TMEM94: variants seen among roughly 807,000 people sequenced by gnomAD.
TMEM94 encodes the protein transmembrane protein 94.
TMEM94 carries 81 observed loss-of-function variants against 158.6 expected under a neutral mutation model. The ratio of observed to expected loss-of-function variants is 0.51; its 90% CI spans 0.43 to 0.61. The LOEUF is 0.61. Among genes scored for constraint, TMEM94 ranks in the 20% least tolerant of loss-of-function variants. The pLI, the probability that TMEM94 is intolerant of heterozygous loss-of-function variation, is 0.00. For missense variants in TMEM94, 1,435 were observed against 1,762.0 expected (o/e 0.81, Z 3.32); for synonymous variants, 751 against 730.7 (o/e 1.03, Z -0.45).
chr17:75,492,694 C>G lies in TMEM94; in HGVS notation c.1817C>G (p.Ser606Cys). 4 of 1,613,386 alleles carry G rather than the reference C, an allele frequency of 2.5e-6. No individual in the cohort carries two copies. Among genetic ancestry groups the G allele is most frequent in the Non-Finnish European group, 3.4e-6 (4 of 1,179,958 alleles). Reference sequence around the variant, plus strand: ...GTCACCGAGCGCCTGTGCCGATTCTCCGACCACCTGTGCAACATCGCCCTG... The same window carrying G: ...GTCACCGAGCGCCTGTGCCGATTCTGCGACCACCTGTGCAACATCGCCCTG... Reference protein sequence around the residue: ...ASVTERLCRFSDHLCNIALQE... With the variant: ...ASVTERLCRFCDHLCNIALQE... Residue 606 changes from serine to cysteine, a missense_variant, in exon 15 of 32, where the codon TCC becomes TGC. By Grantham distance (112) the Ser-to-Cys change is moderately radical (BLOSUM62 -1). Coordinates refer to ENST00000314256, the MANE Select transcript of TMEM94 (RefSeq NM_014738.6). This position sits in a 1 kb window ranked among gnomAD's most constrained non-coding sequence, Gnocchi z 4.4.
In TMEM94 at chr17:75,485,947, T is replaced by C; in HGVS notation, c.221T>C (p.Leu74Pro). The change falls in exon 4 of 32, where the codon CTA (leucine) becomes CCA (proline). Residue 74 changes from leucine to proline, a missense_variant. Around this residue, in one of 3 missense-constraint regions of TMEM94, gnomAD observed 1,051 missense variants for 1,254.4 expected, o/e 0.84. Transcript: ENST00000314256. The surrounding 1 kb of genome is among the most constrained non-coding windows in gnomAD (Gnocchi z 5.5). Reference protein sequence around the residue: ...CFHWPGASLMLLAVLLLLGCC... With the variant: ...CFHWPGASLMPLAVLLLLGCC... The stretch of plus-strand genomic sequence containing the variant: ...CACTGGCCGGGGGCCTCACTCATGC[T>C]ACTGGCCGTGCTGCTGCTGCTGGGC... 1.2e-6 allele frequency: 2 copies of C among 1,613,726 alleles called. No individual in the cohort carries two copies. The highest frequency in any genetic ancestry group is 2.2e-5 in the South Asian group (2 of 91,054).
rs1047863020 is a variant in TMEM94 at position 75,489,760 on chromosome 17, G to A, written c.954+98G>A. On this transcript the variant is annotated intron_variant, in intron 9 of 31. Coordinates refer to ENST00000314256, the MANE Select transcript of TMEM94 (RefSeq NM_014738.6). This position sits in a 1 kb window ranked among gnomAD's most constrained non-coding sequence, Gnocchi z 5.0. ...GCTGTCCCTCCCTCTCTGCAGCCCA[G>A]AGGTCCCCTCACGCTTCAGCTTAAG... is the stretch of plus-strand genomic sequence containing the variant. 1.9e-6 allele frequency: 2 copies of A among 1,055,138 alleles called. No homozygotes were observed. The highest frequency in any genetic ancestry group is 3.1e-5 in the African/African-American group (2 of 63,876). The allele number at this position is 1,055,138 out of a possible 1,614,324, so 65.4% of individuals were successfully genotyped here.
intron 4 of TMEM94, 66 bp from the exon 5 acceptor site, chr17:75,486,224 C>T (rs1029852922): frequency 1.3e-5 from 21 of 1,600,824 alleles, no homozygotes; most frequent in Non-Finnish European, 1.8e-5. Flanking sequence ...GGAGCTGTGG[C>T]CTGGGGGCTG....
chr17:75,481,290 C>A (rs1365663623), intron 2 of TMEM94, among the ~76,000 whole-genome samples: 7 of 152,248 alleles, frequency 4.6e-5, no homozygotes, highest in African/African-American at 1.4e-4. Context: ...AGGTCCCCGC[C>A]GGGAGGGCCA....
chr17:75,490,957 G>T, intron 11 of TMEM94, 92 bp from the exon 12 acceptor site: 1 of 1,113,282 alleles, frequency 9.0e-7, no homozygotes, highest in Non-Finnish European at 1.3e-6. Flanking sequence ...CCCCAACTTC[G>T]TGGTGCTCCC....
rs77603595 is a variant in TMEM94, at chr17:75,494,329, T to G, written c.2408-298T>G. On this transcript the variant is annotated intron_variant, in intron 18 of 31. Transcript: ENST00000314256. The stretch of plus-strand genomic sequence containing the variant: ...CCACCAGACACGCACACTTCCCAGG[T>G]TTTTTGAACCCAAGAGACTGTGAAT... 1.8e-4 allele frequency among the ~76,000 whole-genome samples: 28 copies of G among 152,092 alleles called. No homozygotes were observed. The East Asian group carries it at 4.1e-3, about 22-fold the overall frequency.
At position 75,493,839 on chromosome 17, in the gene TMEM94, G is replaced by T; in HGVS notation, c.2330G>T (p.Ser777Ile). Residue 777 changes from serine to isoleucine, a missense_variant, in exon 18 of 32, where the codon AGC (serine) becomes ATC (isoleucine). By Grantham distance (142) the Ser-to-Ile change is moderately radical. This residue lies in a region of TMEM94 where 1,051 missense variants were observed against 1,254.4 expected (regional missense o/e 0.84). Transcript: ENST00000314256. Reference sequence around the variant, plus strand: ...CTGGTACAGGTGCCCGGCCAAAGCAGCATCTTCACCATGTGCGAGCTGCCC... The same window carrying T: ...CTGGTACAGGTGCCCGGCCAAAGCATCATCTTCACCATGTGCGAGCTGCCC... ...IELVQVPGQS[S>I]IFTMCELPST... is the part of the protein sequence containing the mutation. 1 of 1,613,660 alleles carries T rather than the reference G, an allele frequency of 6.2e-7. No homozygotes were observed. Among genetic ancestry groups the T allele is most frequent in the Admixed American group, 1.7e-5 (1 of 60,030 alleles).
At chr17:75,476,255 C>T (rs2050685206) in intron 2 of TMEM94, among the ~76,000 whole-genome samples, 1 of 152,158 alleles carries the variant, frequency 6.6e-6, no homozygotes, top group South Asian at 2.1e-4. Flanking sequence ...AGTTTCTCCT[C>T]CATCTATCCC....
At chr17:75,462,016 T>TTTTTTTTTTTTTTTTTTTTTTTTC (rs2050096117) in intron 1 of TMEM94, among the ~76,000 whole-genome samples, 1 of 126,580 alleles carries the variant, frequency 7.9e-6, no homozygotes, top group Non-Finnish European at 1.8e-5. Flanking sequence ...GTTTTGTTTT[T>TTTTTTTTTTTTTTTTTTTTTTTTC]TTTTTTTTTG....
intron 6 of TMEM94, among the ~76,000 whole-genome samples, chr17:75,488,557 C>G (rs889229502): frequency 1.3e-5 from 2 of 152,212 alleles, no homozygotes; most frequent in Non-Finnish European, 2.9e-5. Context: ...GCTGGAATTA[C>G]AGGTGTGAGC....
At chr17:75,496,588 G>A in intron 24 of TMEM94, 117 bp downstream of exon 24, 2 of 1,392,364 alleles carry the variant, frequency 1.4e-6, no homozygotes, top group South Asian at 1.3e-5. Context: ...CTCCGAGCGG[G>A]CTCTCCCAGG....
rs954539091 is a variant in TMEM94, at chr17:75,487,782, GC to G, written c.410-149del. 7.1e-5 allele frequency: 46 copies of G among 646,266 alleles called. No individual in the cohort carries two copies. The highest frequency in any genetic ancestry group is 1.1e-4 in the Non-Finnish European group (41 of 369,814). The allele number at this position is 646,266 out of a possible 1,614,324, so 40.0% of individuals were successfully genotyped here. A position where few individuals can be genotyped will look rare whatever the true frequency, so the allele number is the denominator to read the frequency against. ...CTTTATAAGGGAGGCATCCTTGAAA[GC>G]AGGGAAGTGTTGGAACGAGTGGAGG... On this transcript the variant is annotated intron_variant, in intron 5 of 31. Transcript: ENST00000314256. This position sits in a 1 kb window ranked among gnomAD's most constrained non-coding sequence, Gnocchi z 4.6.
At chr17:75,497,746 T>C (rs374349035) in intron 26 of TMEM94, 35 bp from the exon 27 acceptor site, 24 of 1,561,138 alleles carry the variant, frequency 1.5e-5, no homozygotes, top group Non-Finnish European at 2.1e-5. Flanking sequence ...AGAGGGTCAT[T>C]GTCACCATCC....
intron 23 of TMEM94, 59 bp downstream of exon 23, chr17:75,496,133 G>T (rs547767642): frequency 6.5e-7 from 1 of 1,526,736 alleles, no homozygotes; most frequent in African/African-American, 1.4e-5. Context: ...CGGAGGATCA[G>T]ATGGGCCTGC....
chr17:75,498,934 A>G lies in TMEM94; in HGVS notation c.3850A>G (p.Thr1284Ala). ...CAGGCTGCTGGGTCAGGTGGTCCAG[A>G]CGGCTGTGGACCTGCAGCTGTGGAC... The part of the protein sequence containing the change: ...PVVLLGQVVQ[T>A]AVDLQLWTHR... The change falls in exon 31 of 32, where the codon ACG becomes GCG. Residue 1284 changes from threonine (T) to alanine (A), a missense_variant. Transcript: ENST00000314256. The surrounding 1 kb of genome is among the most constrained non-coding windows in gnomAD (Gnocchi z 6.7). The G allele has an allele frequency of 6.4e-7, 1 of 1,559,796 alleles. No homozygotes were observed.
In TMEM94 at chr17:75,489,600, C is replaced by T. The variant is rs146050384; in HGVS notation, c.892C>T (p.Leu298=). The stretch of plus-strand genomic sequence containing the variant: ...GGCCGGCTTCCTCATCACCAATGCC[C>T]TGCGCTTCATCTTCAGTGCCCCGGG... ...VLAGFLITNA[L]RFIFSAPGVT... The change falls in exon 9 of 32, where the codon CTG becomes TTG. Residue 298 remains leucine (L), a synonymous_variant. Transcript: ENST00000314256. This position sits in a 1 kb window ranked among gnomAD's most constrained non-coding sequence, Gnocchi z 5.0. 1,616 of 1,614,116 alleles carry T rather than the reference C, an allele frequency of 1.0e-3. No individual in the cohort carries two copies. The highest frequency in any genetic ancestry group is 1.3e-3 in the Non-Finnish European group (1,526 of 1,180,012).
At chr17:75,497,727 T>C (rs2052861224) in intron 26 of TMEM94, 54 bp from the exon 27 acceptor site, 2 of 1,458,268 alleles carry the variant, frequency 1.4e-6, no homozygotes, top group African/African-American at 1.4e-5. Context: ...TCTATGAGAA[T>C]TGAGGGACAG....
chr17:75,494,678 GC>G lies in TMEM94; in HGVS notation c.2461del (p.Gln821ArgfsTer87), dbSNP rs779501481. The G allele has an allele frequency of 3.7e-6, 6 of 1,613,662 alleles. No homozygotes were observed. The African/African-American group carries it at 8.0e-5, about 22-fold the overall frequency. ...GAAGACTGCATGCAGGCCCTGAGCGGCCAGATCTTCATGGGCATGGTGTCCT... is the reference window on the plus strand; with the variant it reads ...GAAGACTGCATGCAGGCCCTGAGCGGCAGATCTTCATGGGCATGGTGTCCT... ...EKEDCMQALS[G>X]QIFMGMVSSQ... On this transcript the variant is annotated frameshift_variant, in exon 19 of 32. Transcript: ENST00000314256. LOFTEE classifies it high-confidence loss of function.
rs1426351105 is a variant in TMEM94, at chr17:75,491,492, A to C, written c.1386+37A>C. ...GGTACGGCCGGCTCCCATGGGCCCG[A>C]CTCTGGGCCAGGCTGTTTAGCCTTG... On this transcript the variant is annotated intron_variant, in intron 13 of 31. Transcript: ENST00000314256. This position sits in a 1 kb window ranked among gnomAD's most constrained non-coding sequence, Gnocchi z 5.1. 6.2e-7 allele frequency: 1 copy of C among 1,613,198 alleles called. No homozygotes were observed. The highest frequency in any genetic ancestry group is 1.7e-5 in the Admixed American group (1 of 59,974).
Sources: allele counts gnomAD v4.1 joint callset (sites outside exome capture counted in the v4.1 genomes callset), GRCh38; gene constraint gnomAD v4.1.1; regional missense constraint gnomAD v4.1.1; non-coding constraint Gnocchi (gnomAD v3.1); transcripts MANE v1.5; gene names NCBI Gene and HGNC (gene_info 2026-07-23, HGNC 2026-07-21).